COL4A5: variants seen among roughly 807,000 people sequenced by gnomAD.
The protein encoded by COL4A5 is collagen type IV alpha 5 chain, also known as collagen alpha-5(IV) chain.
COL4A5 carries 26 observed loss-of-function variants against 130.2 expected under a neutral mutation model. The ratio of observed to expected loss-of-function variants is 0.20; its 90% confidence interval spans 0.15 to 0.28. COL4A5 has a LOEUF of 0.28. Among genes scored for constraint, COL4A5 ranks in the 10% least tolerant of loss-of-function variants. The probability of loss-of-function intolerance (pLI) is 1.00; values close to 1 mark genes in which losing one functional copy is unlikely to be tolerated. For synonymous variants in COL4A5, 496 were observed against 439.6 expected, an observed-to-expected ratio of 1.13 and a Z score of -1.60; for missense variants, 1,131 against 1,344.3, an observed-to-expected ratio of 0.84 and a Z score of 2.48.
At chrX:108,522,048 A>G (rs182534797) in intron 1 of COL4A5, among the ~76,000 whole-genome samples, 32 of 111,147 alleles carry the variant, frequency 2.9e-4, no homozygotes, top group Non-Finnish European at 5.3e-4. Flanking sequence ...CATAGAAGTA[A>G]AATCATGCAA....
chrX:108,665,698 T>C (rs2068063741), intron 38 of COL4A5, 111 bp downstream of exon 38: 2 of 551,101 alleles, frequency 3.6e-6, no homozygotes, highest in African/African-American at 2.3e-5. Flanking sequence ...CAAGGAAATA[T>C]AGTGTTCATT....
At chrX:108,578,925 G>A (rs1156253231) in intron 13 of COL4A5, among the ~76,000 whole-genome samples, 17 of 110,985 alleles carry the variant, frequency 1.5e-4, no homozygotes, top group South Asian at 1.2e-3. Context: ...TGATCTGCCC[G>A]CCTCGGCCTC....
chrX:108,531,364 A>G lies in COL4A5; in HGVS notation c.82-8382A>G, dbSNP rs1239209776. On this transcript the variant is annotated intron_variant, in intron 1 of 52. Coordinates refer to ENST00000328300, the MANE Select transcript of COL4A5 (RefSeq NM_033380.3). The stretch of plus-strand genomic sequence containing the variant: ...CCCTAAAACTTAAAGTATAATAATA[A>G]TGAAATAAATAAATAAAAAATAAAA... 4.6e-5 allele frequency among the ~76,000 whole-genome samples: 5 copies of G among 109,348 alleles called. No individual in the cohort carries two copies. In the East Asian group the frequency reaches 8.6e-4, roughly 19 times the overall value. 95.0% of individuals were successfully genotyped at this position (109,348 alleles called of 115,157 possible).
intron 4 of COL4A5, among the ~76,000 whole-genome samples, chrX:108,566,882 A>G (rs1161282132): frequency 2.7e-5 from 3 of 111,844 alleles, no homozygotes; most frequent in Non-Finnish European, 5.6e-5. Context: ...TGTATTTTTA[A>G]GAGAAAAATT....
chrX:108,541,463 T>A (rs2065538114), intron 2 of COL4A5, among the ~76,000 whole-genome samples: 1 of 112,180 alleles, frequency 8.9e-6, no homozygotes, highest in Non-Finnish European at 1.9e-5. Context: ...ATATTTGCAT[T>A]TATATGGCTT....
intron 42 of COL4A5, among the ~76,000 whole-genome samples, chrX:108,673,670 A>G (rs1405678473): frequency 9.2e-6 from 1 of 108,755 alleles, no homozygotes; most frequent in African/African-American, 3.3e-5. Context: ...TTTGTGTTCA[A>G]TGTTGTACAA....
chrX:108,549,972 G>A (rs1020818207), intron 2 of COL4A5, among the ~76,000 whole-genome samples: 3 of 111,372 alleles, frequency 2.7e-5, no homozygotes, highest in East Asian at 2.8e-4. Flanking sequence ...ACAAATAAAT[G>A]CGTGAGTGAA....
intron 47 of COL4A5, among the ~76,000 whole-genome samples, chrX:108,685,807 C>T (rs1028157825): frequency 8.9e-5 from 10 of 112,290 alleles, no homozygotes; most frequent in African/African-American, 3.2e-4. Flanking sequence ...ACAAAGAGAG[C>T]ACAACTCCAT....
chrX:108,661,697 T>C (rs190265406), intron 37 of COL4A5, among the ~76,000 whole-genome samples: 74 of 111,221 alleles, frequency 6.7e-4, no homozygotes, highest in African/African-American at 2.3e-3. Context: ...CTGGATTCTA[T>C]TAAATTTCTT....
chrX:108,631,133 T>C (rs1464131089), intron 36 of COL4A5, among the ~76,000 whole-genome samples: 3 of 111,826 alleles, frequency 2.7e-5, no homozygotes, highest in Admixed American at 9.5e-5. Flanking sequence ...ATCTTGACAA[T>C]GTGGGCTCTT....
chrX:108,585,876 C>G (rs1439238054), intron 18 of COL4A5, among the ~76,000 whole-genome samples: 2 of 109,541 alleles, frequency 1.8e-5, no homozygotes, highest in Non-Finnish European at 3.8e-5. Flanking sequence ...GGGGAGTTTT[C>G]TTTTTTAAAG....
At chrX:108,526,215 A>G (rs1473832601) in intron 1 of COL4A5, among the ~76,000 whole-genome samples, 8 of 112,070 alleles carry the variant, frequency 7.1e-5, no homozygotes, top group African/African-American at 2.6e-4. Context: ...AAGCTGAGCA[A>G]GGGAGGTGGA....
chrX:108,571,764 T>C, intron 7 of COL4A5, 47 bp from the exon 8 acceptor site: 1 of 974,378 alleles, frequency 1.0e-6, no homozygotes, highest in Non-Finnish European at 1.5e-6. Context: ...AATTGGCGTG[T>C]TTCTCTCTCA....
At chrX:108,471,648 G>A (rs1373745215) in intron 1 of COL4A5, among the ~76,000 whole-genome samples, 1 of 111,371 alleles carries the variant, frequency 9.0e-6, no homozygotes, top group Non-Finnish European at 1.9e-5. Context: ...CTGCCTGATT[G>A]CTCTGCCTAG....
intron 2 of COL4A5, among the ~76,000 whole-genome samples, chrX:108,541,755 A>G (rs1430737834): frequency 8.9e-6 from 1 of 112,637 alleles, no homozygotes; most frequent in African/African-American, 3.2e-5. Context: ...ATAACTGAGC[A>G]TAGATTTAAC....
At chrX:108,497,063 C>A (rs1381554748) in intron 1 of COL4A5, among the ~76,000 whole-genome samples, 1 of 111,823 alleles carries the variant, frequency 8.9e-6, no homozygotes, top group Non-Finnish European at 1.9e-5. Context: ...CTAACCTACT[C>A]TCTGTTTCTA....
chrX:108,685,472 A>G (rs2068525507), intron 47 of COL4A5, among the ~76,000 whole-genome samples: 1 of 112,480 alleles, frequency 8.9e-6, no homozygotes, highest in African/African-American at 3.2e-5. Context: ...AGAAAAATTT[A>G]TAATGAAATG....
At chrX:108,456,687 A>G (rs2064587709) in intron 1 of COL4A5, among the ~76,000 whole-genome samples, 1 of 111,840 alleles carries the variant, frequency 8.9e-6, no homozygotes, top group African/African-American at 3.2e-5. Context: ...TAGGTTTTCC[A>G]TAAACTTTAC....
At position 108,555,469 on chromosome X, in the gene COL4A5, T is replaced by G. The variant is rs777658868; in HGVS notation, c.142-3595T>G. ...ATTGCATTACCTAATTAAATTATCA[T>G]TTTCATTTATTCATTAAGGGTCTTG... is the stretch of plus-strand genomic sequence containing the variant. On this transcript the variant is annotated intron_variant, in intron 2 of 52. Coordinates refer to ENST00000328300, the MANE Select transcript of COL4A5 (RefSeq NM_033380.3). Among the ~76,000 whole-genome samples the G allele has an allele frequency of 5.3e-5, 6 of 112,263 alleles. No individual in the cohort carries two copies. In the East Asian group the frequency reaches 8.3e-4, roughly 16 times the overall value.
Sources: allele counts gnomAD v4.1 joint callset (sites outside exome capture counted in the v4.1 genomes callset), GRCh38; gene constraint gnomAD v4.1.1; transcripts MANE v1.5; gene names NCBI Gene and HGNC (gene_info 2026-07-23, HGNC 2026-07-21).